The following UMAD1 variants were observed in gnomAD, a reference collection of about 807,000 sequenced individuals.
UMAD1 encodes UBAP1-MVB12-associated (UMA) domain containing 1, also known as UBAP1-MVB12-associated (UMA)-domain containing protein 1.
UMAD1 carries 8 observed loss-of-function variants against 6.1 expected under a neutral mutation model. That is an observed-to-expected ratio of 1.30 (90% CI 0.76 to 2.35). The LOEUF (loss-of-function observed/expected upper bound fraction) is 2.35. UMAD1 is among the 30% of genes most tolerant of loss of function. The pLI is 0.00. For synonymous variants in UMAD1, 56 were observed against 31.4 expected (o/e 1.78, Z -2.61); for missense variants, 130 against 78.4 (o/e 1.66, Z -2.49).
At chr7:7,800,254 A>G (rs1782771558) in intron 2 of UMAD1, among the ~76,000 whole-genome samples, 2 of 152,258 alleles carry the variant, frequency 1.3e-5, no homozygotes, top group East Asian at 1.9e-4. Context: ...TTGAACACCT[A>G]TTGTGTGCTG....
intron 3 of UMAD1, among the ~76,000 whole-genome samples, chr7:7,835,639 C>T (rs892767189): frequency 6.6e-5 from 10 of 151,642 alleles, no homozygotes; most frequent in African/African-American, 2.2e-4. Context: ...CAATAGTATG[C>T]TAACATGATA....
Position 7,673,310 on chromosome 7 carries a change from TAGCAGCAGCAGCAGCAGCAGCAGC to T in UMAD1, c.-24_-1del. The T allele has an allele frequency of 3.0e-3, 3,096 of 1,033,858 alleles. 33 individuals are homozygous for T. The highest frequency in any genetic ancestry group is 0.018 in the African/African-American group (1,124 of 60,992). The allele number at this position is 1,033,858 out of a possible 1,614,324, so 64.0% of individuals were successfully genotyped here. A position where few individuals can be genotyped will look rare whatever the true frequency, so the allele number is the denominator to read the frequency against. On this transcript the variant is annotated splice_region_variant and 5_prime_UTR_variant, in exon 2 of 4. Coordinates refer to ENST00000682710, the MANE Select transcript of UMAD1 (RefSeq NM_001302348.2). ...CATTGTGTAATGTTTCTATTTCAGG[TAGCAGCAGCAGCAGCAGCAGCAGC>T]AGCAGCAGCAGCAGCAGCAGCAGCA...
intron 2 of UMAD1, among the ~76,000 whole-genome samples, chr7:7,792,055 C>T (rs1320028053): frequency 6.6e-6 from 1 of 152,178 alleles, no homozygotes; most frequent in African/African-American, 2.4e-5. Flanking sequence ...GTCCTTCTCC[C>T]ACCTACAGTC....
chr7:7,833,066 G>A (rs913291731), intron 3 of UMAD1, among the ~76,000 whole-genome samples: 4 of 152,164 alleles, frequency 2.6e-5, no homozygotes, highest in African/African-American at 9.7e-5. Flanking sequence ...TAGGAGATGA[G>A]ACTGGAAAGG....
chr7:7,822,531 A>C (rs767011618), intron 3 of UMAD1, among the ~76,000 whole-genome samples: 29 of 152,252 alleles, frequency 1.9e-4, no homozygotes, highest in Non-Finnish European at 4.0e-4. Flanking sequence ...TTCAGCTGAT[A>C]TGCATGCAAG....
chr7:7,750,077 A>G (rs867234456), intron 2 of UMAD1, among the ~76,000 whole-genome samples: 1 of 152,184 alleles, frequency 6.6e-6, no homozygotes, highest in South Asian at 2.1e-4. Context: ...AAGGAGGAAT[A>G]TTAGCAAAAT....
intron 3 of UMAD1, among the ~76,000 whole-genome samples, chr7:7,827,724 T>A (rs1467205292): frequency 6.6e-6 from 1 of 152,168 alleles, no homozygotes; most frequent in Non-Finnish European, 1.5e-5. Flanking sequence ...AAATGGAACA[T>A]TTTGTGATCA....
intron 1 of UMAD1, among the ~76,000 whole-genome samples, chr7:7,656,625 G>A (rs974557295): frequency 6.6e-6 from 1 of 152,118 alleles, no homozygotes; most frequent in African/African-American, 2.4e-5. Flanking sequence ...CTTCATCCAT[G>A]TCCCTGCAAA....
chr7:7,861,185 C>T (rs6966260), intron 3 of UMAD1, among the ~76,000 whole-genome samples: 104,760 of 152,058 alleles, frequency 0.69, 36,972 homozygotes, highest in Middle Eastern at 0.76. Flanking sequence ...TTGCACAACA[C>T]TGTGAATTTA....
intron 3 of UMAD1, among the ~76,000 whole-genome samples, chr7:7,847,918 G>GT (rs891693293): frequency 6.6e-6 from 1 of 152,116 alleles, no homozygotes; most frequent in Non-Finnish European, 1.5e-5. Context: ...AAGCCACTTG[G>GT]TTTTTTCTAC....
intron 3 of UMAD1, among the ~76,000 whole-genome samples, chr7:7,805,888 TCAC>T (rs147982573): frequency 0.094 from 14,311 of 152,252 alleles, 767 homozygotes; most frequent in Non-Finnish European, 0.12. Context: ...TTACACTTAA[TCAC>T]TATGTCGGAT....
intron 3 of UMAD1, among the ~76,000 whole-genome samples, chr7:7,815,212 CTT>C (rs1783102448): frequency 6.6e-6 from 1 of 152,094 alleles, no homozygotes; most frequent in Non-Finnish European, 1.5e-5. Context: ...ATCAGACAGA[CTT>C]GTAGCTCAGA....
At chr7:7,784,908 G>C (rs867452122) in intron 2 of UMAD1, among the ~76,000 whole-genome samples, 1 of 150,690 alleles carries the variant, frequency 6.6e-6, no homozygotes, top group Non-Finnish European at 1.5e-5. Context: ...GACTACAGGC[G>C]CCCGCCACCT....
chr7:7,677,251 A>G (rs1001873287), intron 2 of UMAD1, among the ~76,000 whole-genome samples: 2 of 152,166 alleles, frequency 1.3e-5, no homozygotes, highest in East Asian at 1.9e-4. Context: ...TGTTAGCAAC[A>G]TTCAATTTCC....
chr7:7,799,066 A>G (rs940547412), intron 2 of UMAD1, among the ~76,000 whole-genome samples: 1 of 152,202 alleles, frequency 6.6e-6, no homozygotes, highest in African/African-American at 2.4e-5. Flanking sequence ...CATATTTCTC[A>G]TACCCATTTT....
At chr7:7,700,522 C>T (rs1359010224) in intron 2 of UMAD1, among the ~76,000 whole-genome samples, 1 of 152,042 alleles carries the variant, frequency 6.6e-6, no homozygotes, top group Non-Finnish European at 1.5e-5. Context: ...GCCATAAGTT[C>T]TAGACCATAC....
At chr7:7,658,018 G>T (rs1432530648) in intron 1 of UMAD1, among the ~76,000 whole-genome samples, 1 of 152,098 alleles carries the variant, frequency 6.6e-6, no homozygotes, top group Non-Finnish European at 1.5e-5. Flanking sequence ...TTCTTGAAGA[G>T]GTCCTTCATG....
Position 7,692,145 on chromosome 7 carries a change from G to A in UMAD1, c.82+18692G>A, listed in dbSNP as rs114170691. Among the ~76,000 whole-genome samples the A allele has an allele frequency of 5.3e-3, 806 of 152,164 alleles. 8 individuals carry two copies. Among genetic ancestry groups the A allele is most frequent in the African/African-American group, 0.018 (762 of 41,512 alleles). On this transcript the variant is annotated intron_variant, in intron 2 of 3. Transcript: ENST00000682710. ...CTTCGCCCCCTTTTTCTGCACTCTC[G>A]CACACATATCACCATCTTCCCTTAC... is the stretch of plus-strand genomic sequence containing the variant.
chr7:7,753,086 CCTT>C (rs1400528768), intron 2 of UMAD1, among the ~76,000 whole-genome samples: 34 of 152,228 alleles, frequency 2.2e-4, no homozygotes, highest in Admixed American at 7.2e-4. Context: ...AAATACTTGA[CCTT>C]CTTTATGTAT....
Sources: gnomAD v4.1 joint callset for allele counts (sites outside exome capture counted in the v4.1 genomes callset) on GRCh38, gnomAD v4.1.1 for gene constraint, MANE v1.5 for transcripts, NCBI Gene and HGNC (gene_info 2026-07-23, HGNC 2026-07-21) for gene names.